Variants in ADAP1 observed in about 807,000 individuals in gnomAD.
ADAP1 encodes the protein arf-GAP with dual PH domain-containing protein 1.
ADAP1 carries 31 observed loss-of-function variants against 54.9 expected under a neutral mutation model. The observed-to-expected ratio is 0.56, with a 90% CI of 0.42 to 0.76. The LOEUF (loss-of-function observed/expected upper bound fraction) is 0.76, where lower values mean the gene tolerates loss of function less well. Ranked by LOEUF, ADAP1 falls within the 30% of genes least tolerant of loss-of-function variation. The pLI, the probability that ADAP1 is intolerant of heterozygous loss-of-function variation, is 0.00. For missense variants in ADAP1, 535 were observed against 512.4 expected, an observed-to-expected ratio of 1.04 and a Z score of -0.42; for synonymous variants, 313 against 202.6, an observed-to-expected ratio of 1.55 and a Z score of -4.63.
intron 4 of ADAP1, among the ~76,000 whole-genome samples, chr7:907,093 T>C (rs1845498384): frequency 6.6e-6 from 1 of 152,060 alleles, no homozygotes; most frequent in Non-Finnish European, 1.5e-5. Flanking sequence ...GTCCAGGTGG[T>C]GCCATCCCCT....
chr7:952,554 A>G (rs1461797098), intron 1 of ADAP1, among the ~76,000 whole-genome samples: 1 of 152,150 alleles, frequency 6.6e-6, no homozygotes, highest in African/African-American at 2.4e-5. Flanking sequence ...ATGGGGGGCT[A>G]GGCAGCCCCC....
intron 4 of ADAP1, among the ~76,000 whole-genome samples, chr7:916,871 C>T (rs913091887): frequency 5.9e-5 from 9 of 152,094 alleles, no homozygotes; most frequent in Non-Finnish European, 1.2e-4. Context: ...CCACCGGTCA[C>T]CCCTGCTCAC....
intron 5 of ADAP1, 134 bp from the exon 6 acceptor site, chr7:904,406 C>T (rs1844987458): frequency 8.4e-7 from 1 of 1,187,964 alleles, no homozygotes; most frequent in Non-Finnish European, 1.1e-6. Flanking sequence ...CTTAAGCGCT[C>T]TGAGCCTTGG....
chr7:941,661 T>C (rs1371408022), intron 1 of ADAP1, among the ~76,000 whole-genome samples: 1 of 152,200 alleles, frequency 6.6e-6, no homozygotes. Flanking sequence ...CTACAGATTT[T>C]GGAAAGAGAT....
Position 913,504 on chromosome 7 carries a change from C to T in ADAP1, c.388+6464G>A, listed in dbSNP as rs149997271. ...GCGTGAGGCACCGCGCCCGGTCCTC[C>T]CCTTTCTCTTTACTTGTTCCATTCT... On this transcript the variant is annotated intron_variant, in intron 4 of 10. Transcript: ENST00000265846. Among the ~76,000 whole-genome samples the T allele has an allele frequency of 6.1e-3, 925 of 152,186 alleles. 6 individuals are homozygous for T. Among genetic ancestry groups the T allele is most frequent in the Non-Finnish European group, 8.4e-3 (570 of 68,002 alleles).
intron 6 of ADAP1, 66 bp downstream of exon 6, chr7:904,060 G>A: frequency 4.4e-6 from 7 of 1,594,700 alleles, no homozygotes. Flanking sequence ...CCACCTTCCT[G>A]CGCCACCCGG....
intron 4 of ADAP1, among the ~76,000 whole-genome samples, chr7:906,786 GGGGAC>G (rs879858258): frequency 0.35 from 14,214 of 40,170 alleles, 1,845 homozygotes; most frequent in South Asian, 0.44. Flanking sequence ...AGGGGACACG[GGGGAC>G]GGGACAGGGG....
intron 2 of ADAP1, chr7:935,117 C>T (rs866821599): frequency 1.1e-5 from 7 of 621,822 alleles, no homozygotes; most frequent in South Asian, 3.0e-5. Context: ...ATCGGCGACC[C>T]GCCTTCGCTC....
intron 4 of ADAP1, among the ~76,000 whole-genome samples, chr7:909,942 G>T (rs1845653190): frequency 6.6e-6 from 1 of 152,192 alleles, no homozygotes; most frequent in Non-Finnish European, 1.5e-5. Flanking sequence ...GGGGAGCTGG[G>T]TCCAGTCCAC....
intron 1 of ADAP1, among the ~76,000 whole-genome samples, chr7:951,294 A>T (rs1460771618): frequency 3.4e-5 from 5 of 148,748 alleles, no homozygotes; most frequent in African/African-American, 1.2e-4. Flanking sequence ...AATGGTGTGA[A>T]CCTGGGAGGG....
chr7:920,237 A>T lies in ADAP1; in HGVS notation c.306-187T>A, dbSNP rs533460756. ...CAGCCTCCTGCCCGGGACGCTTCTC[A>T]CTCTGATATTAGTTTATTGGTTTCT... is the stretch of plus-strand genomic sequence containing the variant. On this transcript the variant is annotated intron_variant, in intron 3 of 10. Coordinates refer to ENST00000265846, the MANE Select transcript of ADAP1 (RefSeq NM_006869.4). The surrounding 1 kb of genome is among the most constrained non-coding windows in gnomAD (Gnocchi z 4.5). Among the ~76,000 whole-genome samples, 1 of 151,638 alleles carries T rather than the reference A, an allele frequency of 6.6e-6. No individual in the cohort carries two copies. Among genetic ancestry groups the T allele is most frequent in the Non-Finnish European group, 1.5e-5 (1 of 67,868 alleles).
At chr7:915,596 G>A (rs892269744) in intron 4 of ADAP1, among the ~76,000 whole-genome samples, 7 of 152,180 alleles carry the variant, frequency 4.6e-5, no homozygotes, top group South Asian at 2.1e-4. Context: ...ACCCCTGCCC[G>A]AGGGTCACAC....
Position 905,312 on chromosome 7 carries a change from C to T in ADAP1, c.389-140G>A, listed in dbSNP as rs200009517. ...GGGGACACGGACAGGGGGAGACGGA[C>T]GGGGAGAGGGGACATGGAGGAGACA... On this transcript the variant is annotated intron_variant, in intron 4 of 10. Coordinates refer to ENST00000265846, the MANE Select transcript of ADAP1 (RefSeq NM_006869.4). 2,018 of 255,892 alleles carry T rather than the reference C, an allele frequency of 7.9e-3. 157 individuals carry two copies. The highest frequency in any genetic ancestry group is 0.057 in the East Asian group (744 of 13,112). The allele number at this position is 255,892 out of a possible 1,614,324, so 15.9% of individuals were successfully genotyped here.
intron 1 of ADAP1, among the ~76,000 whole-genome samples, chr7:940,330 T>A (rs905973706): frequency 1.7e-4 from 24 of 140,618 alleles, no homozygotes; most frequent in Non-Finnish European, 1.5e-5. Context: ...ACAGACCCTG[T>A]CACACACACA....
intron 3 of ADAP1, among the ~76,000 whole-genome samples, chr7:922,200 C>T (rs760418939): frequency 3.3e-5 from 5 of 152,156 alleles, no homozygotes; most frequent in Non-Finnish European, 5.9e-5. Context: ...ACCTGGCAGC[C>T]GGGACGGAGA....
At position 931,975 on chromosome 7, in the gene ADAP1, CA is replaced by C. The variant is rs564912982; in HGVS notation, c.213+3399del. ...GCCAAGGGGCCTGAGTGCAGGGAGC[CA>C]GGGGGGGCCCAGTGCAGCTCCCGCC... On this transcript the variant is annotated intron_variant, in intron 2 of 10. Coordinates refer to ENST00000265846, the MANE Select transcript of ADAP1 (RefSeq NM_006869.4). Among the ~76,000 whole-genome samples the C allele has an allele frequency of 2.4e-3, 360 of 152,268 alleles. 2 individuals carry two copies. Among genetic ancestry groups the C allele is most frequent in the African/African-American group, 8.0e-3 (332 of 41,542 alleles).
In ADAP1 at chr7:906,691, G is replaced by T. The variant is rs186223028; in HGVS notation, c.389-1519C>A. The stretch of plus-strand genomic sequence containing the variant: ...AGGGGACATGGACAGGGGACACGGG[G>T]GACATGGACATGGGGGACGGGACAT... On this transcript the variant is annotated intron_variant, in intron 4 of 10. Transcript: ENST00000265846. Among the ~76,000 whole-genome samples, 50 of 39,366 alleles carry T rather than the reference G, an allele frequency of 1.3e-3. 6 individuals carry two copies. In the East Asian group the frequency reaches 0.02, roughly 16 times the overall value. 25.8% of individuals were successfully genotyped at this position (39,366 alleles called of 152,430 possible). A position where few individuals can be genotyped will look rare whatever the true frequency, so the allele number is the denominator to read the frequency against.
At chr7:907,082 G>A (rs1357210368) in intron 4 of ADAP1, among the ~76,000 whole-genome samples, 1 of 152,090 alleles carries the variant, frequency 6.6e-6, no homozygotes, top group Non-Finnish European at 1.5e-5. Context: ...GCAGCTGCTG[G>A]GTCCAGGTGG....
chr7:924,761 G>A lies in ADAP1; in HGVS notation c.305+1792C>T, dbSNP rs539769828. On this transcript the variant is annotated intron_variant, in intron 3 of 10. Transcript: ENST00000265846. Reference sequence around the variant, plus strand: ...GCCCCCCGCACCCATGTCAGCCCCCGGTCCCGACTCAGAACAGCCAGGGAG... The same window carrying A: ...GCCCCCCGCACCCATGTCAGCCCCCAGTCCCGACTCAGAACAGCCAGGGAG... Among the ~76,000 whole-genome samples, 7 of 151,966 alleles carry A rather than the reference G, an allele frequency of 4.6e-5. No individual in the cohort carries two copies. In the South Asian group the frequency reaches 8.4e-4, roughly 18 times the overall value.
Sources: gnomAD v4.1 joint callset for allele counts (sites outside exome capture counted in the v4.1 genomes callset) on GRCh38, gnomAD v4.1.1 for gene constraint, Gnocchi (gnomAD v3.1) non-coding constraint, MANE v1.5 for transcripts, NCBI Gene and HGNC (gene_info 2026-07-23, HGNC 2026-07-21) for gene names.